RHOBTB1: variants seen among roughly 807,000 people sequenced by gnomAD.
RHOBTB1 encodes Rho related BTB domain containing 1, also known as rho-related BTB domain-containing protein 1.
RHOBTB1 carries 40 observed loss-of-function variants against 71.6 expected under a neutral mutation model. The observed-to-expected ratio is 0.56, with a 90% confidence interval of 0.43 to 0.73. The LOEUF (loss-of-function observed/expected upper bound fraction) is 0.73. Among genes scored for constraint, RHOBTB1 ranks in the 30% least tolerant of loss-of-function variants. The pLI is 0.00. For missense variants in RHOBTB1, 797 were observed against 894.0 expected (o/e 0.89, Z 1.38); for synonymous variants, 319 against 334.9 (o/e 0.95, Z 0.52).
chr10:60,942,410 T>A (rs1430126999), intron 1 of RHOBTB1, among the ~76,000 whole-genome samples: 2 of 152,202 alleles, frequency 1.3e-5, no homozygotes, highest in South Asian at 4.1e-4. Flanking sequence ...ATCTTCAAAC[T>A]CTGGGAAAAC....
At chr10:60,915,453 A>G (rs914906681) in intron 2 of RHOBTB1, among the ~76,000 whole-genome samples, 2 of 152,196 alleles carry the variant, frequency 1.3e-5, no homozygotes, top group Non-Finnish European at 2.9e-5. Context: ...AGAAAAAAAA[A>G]AGAAAAGCCT....
intron 2 of RHOBTB1, among the ~76,000 whole-genome samples, chr10:60,971,149 G>T (rs548915824): frequency 6.6e-6 from 1 of 151,944 alleles, no homozygotes; most frequent in African/African-American, 2.4e-5. Flanking sequence ...GATACATGAG[G>T]TCTATTTTTT....
At chr10:60,916,983 C>G (rs1184838283) in intron 2 of RHOBTB1, among the ~76,000 whole-genome samples, 1 of 152,192 alleles carries the variant, frequency 6.6e-6, no homozygotes, top group Non-Finnish European at 1.5e-5. Flanking sequence ...ATGTATGTGA[C>G]CCACAGAAGC....
At chr10:60,988,935 A>G (rs973589318) in intron 1 of RHOBTB1, among the ~76,000 whole-genome samples, 2 of 152,224 alleles carry the variant, frequency 1.3e-5, no homozygotes, top group Admixed American at 1.3e-4. Context: ...CTATACACCC[A>G]GCAGTGCCTT....
In RHOBTB1 at chr10:60,877,899, C is replaced by T. The variant is rs2081118124; in HGVS notation, c.1726+9G>A. The T allele has an allele frequency of 3.7e-6, 6 of 1,612,000 alleles. No homozygotes were observed. Among genetic ancestry groups the T allele is most frequent in the Non-Finnish European group, 3.4e-6 (4 of 1,179,142 alleles). On this transcript the variant is annotated intron_variant, in intron 8 of 10. Coordinates refer to ENST00000337910, the MANE Select transcript of RHOBTB1 (RefSeq NM_014836.5). ...CAGACACTGCATGGCCCTGAGTCAT[C>T]ATCCTTACCTGCAAGTGCAACCAAG...
chr10:60,903,851 C>T (rs561329635), intron 4 of RHOBTB1, among the ~76,000 whole-genome samples: 14 of 152,254 alleles, frequency 9.2e-5, no homozygotes, highest in African/African-American at 3.1e-4. Flanking sequence ...TAGTGATTTA[C>T]GTTTTCAACG....
At chr10:60,911,876 C>T (rs998504521) in intron 2 of RHOBTB1, among the ~76,000 whole-genome samples, 2 of 152,194 alleles carry the variant, frequency 1.3e-5, no homozygotes, top group African/African-American at 4.8e-5. Context: ...AGCTGGCACA[C>T]ATTTATAGCC....
At chr10:60,941,572 C>T (rs191938941) in intron 2 of RHOBTB1, among the ~76,000 whole-genome samples, 3 of 152,166 alleles carry the variant, frequency 2.0e-5, no homozygotes, top group African/African-American at 4.8e-5. Flanking sequence ...AATAAAAAGT[C>T]GTATGATGGA....
chr10:60,863,367 A>G, the RHOBTB1 span, among the ~76,000 whole-genome samples: 1 of 152,116 alleles, frequency 6.6e-6, no homozygotes, highest in Non-Finnish European at 1.5e-5. Flanking sequence ...TTGTTTTTAC[A>G]CAGTGGCAAC....
chr10:60,954,875 C>T (rs551104551), intron 2 of RHOBTB1, among the ~76,000 whole-genome samples: 6 of 151,878 alleles, frequency 4.0e-5, no homozygotes, highest in South Asian at 2.1e-4. Flanking sequence ...GGTCAAGTTT[C>T]GGAAATAGTT....
intron 2 of RHOBTB1, among the ~76,000 whole-genome samples, chr10:60,966,429 G>T (rs2085959889): frequency 1.3e-5 from 2 of 151,788 alleles, no homozygotes; most frequent in African/African-American, 4.8e-5. Flanking sequence ...CAGCGCTTTG[G>T]GAGGCCAAGG....
At chr10:60,934,767 A>C (rs561073408) in intron 2 of RHOBTB1, among the ~76,000 whole-genome samples, 59 of 152,268 alleles carry the variant, frequency 3.9e-4, no homozygotes, top group African/African-American at 1.4e-3. Context: ...TCTCATCCCT[A>C]TTTAGAGAGA....
intron 2 of RHOBTB1, among the ~76,000 whole-genome samples, chr10:60,939,382 C>T (rs2084777222): frequency 6.6e-6 from 1 of 151,934 alleles, no homozygotes; most frequent in Non-Finnish European, 1.5e-5. Flanking sequence ...TATTTGTTTA[C>T]AAACTAAAAA....
chr10:60,894,803 A>G (rs190618027), intron 4 of RHOBTB1, among the ~76,000 whole-genome samples: 2 of 152,334 alleles, frequency 1.3e-5, no homozygotes, highest in Admixed American at 6.5e-5. Context: ...AAATAGTTCT[A>G]ATTGGTGCCT....
chr10:60,871,428 T>C lies in RHOBTB1; in HGVS notation c.*54A>G. 1 of 1,563,220 alleles carries C rather than the reference T, an allele frequency of 6.4e-7. No individual in the cohort carries two copies. ...AATTTTATAGTAGTGCTTTGAAAAG[T>C]GGTGGATCAGATTACCGATTGGTTT... On this transcript the variant is annotated 3_prime_UTR_variant, in exon 11 of 11. Transcript: ENST00000337910.
At chr10:60,901,925 G>T (rs1294658880) in intron 4 of RHOBTB1, among the ~76,000 whole-genome samples, 1 of 152,196 alleles carries the variant, frequency 6.6e-6, no homozygotes, top group East Asian at 1.9e-4. Context: ...GAGCCACAAA[G>T]AACCCAGCCA....
At chr10:60,956,165 C>A (rs1323964748) in intron 2 of RHOBTB1, among the ~76,000 whole-genome samples, 1 of 152,152 alleles carries the variant, frequency 6.6e-6, no homozygotes, top group Non-Finnish European at 1.5e-5. Flanking sequence ...CAAACCTGTA[C>A]AGCATGTTAC....
At chr10:60,881,242 C>A (rs1165013875) in intron 7 of RHOBTB1, among the ~76,000 whole-genome samples, 1 of 152,188 alleles carries the variant, frequency 6.6e-6, no homozygotes. Context: ...GTCCATTAAA[C>A]CTTTTTCTTT....
At chr10:60,967,298 T>C (rs557892926) in intron 2 of RHOBTB1, among the ~76,000 whole-genome samples, 57 of 149,078 alleles carry the variant, frequency 3.8e-4, no homozygotes, top group African/African-American at 1.4e-3. Context: ...TTTTTTTTTT[T>C]TTTTTTCTTT....
Sources: allele counts gnomAD v4.1 joint callset (sites outside exome capture counted in the v4.1 genomes callset), GRCh38; gene constraint gnomAD v4.1.1; transcripts MANE v1.5; gene names NCBI Gene and HGNC (gene_info 2026-07-23, HGNC 2026-07-21).